The following TNFRSF1B variants were observed in gnomAD, a reference collection of about 807,000 sequenced individuals.
TNFRSF1B encodes TNF receptor superfamily member 1B.
Under a neutral mutation model 44.6 loss-of-function variants are expected in TNFRSF1B, and 19 were observed. The observed-to-expected ratio is 0.43, with a 90% CI of 0.30 to 0.62. TNFRSF1B has a LOEUF of 0.62. Among genes scored for constraint, TNFRSF1B ranks in the 20% least tolerant of loss-of-function variants. The pLI, the probability that TNFRSF1B is intolerant of heterozygous loss-of-function variation, is 0.16. For missense variants in TNFRSF1B, 541 were observed against 619.9 expected, an observed-to-expected ratio of 0.87 and a Z score of 1.35; for synonymous variants, 252 against 261.1, an observed-to-expected ratio of 0.97 and a Z score of 0.34.
chr1:12,201,250 G>T (rs537989667), intron 8 of TNFRSF1B, among the ~76,000 whole-genome samples: 14 of 120,912 alleles, frequency 1.2e-4, no homozygotes, highest in African/African-American at 4.2e-4. Context: ...AACAGGGTGA[G>T]ACCCTGTCTC....
intron 4 of TNFRSF1B, 119 bp from the exon 5 acceptor site, chr1:12,192,307 TAAGGG>T: frequency 1.4e-6 from 1 of 730,416 alleles, no homozygotes. Flanking sequence ...TGTGTGTGTG[TAAGGG>T]GTGGAGGTGC....
rs1278397246 is a variant in TNFRSF1B, at chr1:12,180,466, G to A, written c.79-8330G>A. Among the ~76,000 whole-genome samples the A allele has an allele frequency of 6.6e-6, 1 of 152,116 alleles. No homozygotes were observed. The highest frequency in any genetic ancestry group is 6.5e-5 in the Admixed American group (1 of 15,278). On this transcript the variant is annotated intron_variant, in intron 1 of 9. Transcript: ENST00000376259. This position sits in a 1 kb window ranked among gnomAD's most constrained non-coding sequence, Gnocchi z 4.3. ...GGGCCCCCACCTCGGGTACTTGCAG[G>A]GCCTTGGCCTGGGAACAGGACAAGC...
At chr1:12,192,091 T>A (rs1465790478) in intron 4 of TNFRSF1B, among the ~76,000 whole-genome samples, 168 bp downstream of exon 4, 2 of 152,232 alleles carry the variant, frequency 1.3e-5, no homozygotes, top group African/African-American at 2.4e-5. Context: ...CCGTTCATTC[T>A]TCCTGCCAGC....
rs988155670 is a variant in TNFRSF1B at position 12,177,169 on chromosome 1, A to G, written c.78+10000A>G. Among the ~76,000 whole-genome samples, 65 of 151,892 alleles carry G rather than the reference A, an allele frequency of 4.3e-4. No homozygotes were observed. The highest frequency in any genetic ancestry group is 1.5e-3 in the African/African-American group (62 of 41,426). ...AGGCGTGCCCCACCACGCCTGGCTA[A>G]TTTTTTGTATTTTTTTTAGTAGAGA... On this transcript the variant is annotated intron_variant, in intron 1 of 9. Transcript: ENST00000376259. The surrounding 1 kb of genome is among the most constrained non-coding windows in gnomAD (Gnocchi z 4.3).
chr1:12,191,027 C>T lies in TNFRSF1B; in HGVS notation c.249C>T (p.Tyr83=), dbSNP rs1639106102. 6.2e-7 allele frequency: 1 copy of T among 1,614,102 alleles called. No homozygotes were observed. Among genetic ancestry groups the T allele is most frequent in the Non-Finnish European group, 8.5e-7 (1 of 1,180,036 alleles). ...TVCDSCEDST[Y]TQLWNWVPEC... ...GTGACTCCTGTGAGGACAGCACATA[C>T]ACCCAGCTCTGGAACTGGGTTCCCG... Residue 83 remains tyrosine, a synonymous_variant, in exon 3 of 10, where the codon TAC becomes TAT. Transcript: ENST00000376259.
At chr1:12,191,348 T>A (rs1557633749) in intron 3 of TNFRSF1B, among the ~76,000 whole-genome samples, 1 of 152,224 alleles carries the variant, frequency 6.6e-6, no homozygotes, top group Non-Finnish European at 1.5e-5. Flanking sequence ...GTGGTGCGCA[T>A]GCTCGTGCTG....
chr1:12,188,298 G>A (rs1434443027), intron 1 of TNFRSF1B, among the ~76,000 whole-genome samples: 1 of 152,172 alleles, frequency 6.6e-6, no homozygotes, highest in Non-Finnish European at 1.5e-5. Flanking sequence ...CCCACGTTTA[G>A]AGAGAGCCGA....
At chr1:12,189,930 G>A (rs996121852) in intron 2 of TNFRSF1B, among the ~76,000 whole-genome samples, 1 of 152,208 alleles carries the variant, frequency 6.6e-6, no homozygotes, top group Admixed American at 6.5e-5. Flanking sequence ...CCTTGAAGTC[G>A]GAGCCTGTTT....
In TNFRSF1B at chr1:12,171,555, T is replaced by C. The variant is rs1322390521; in HGVS notation, c.78+4386T>C. 6.6e-6 allele frequency among the ~76,000 whole-genome samples: 1 copy of C among 152,222 alleles called. No individual in the cohort carries two copies. The highest frequency in any genetic ancestry group is 1.5e-5 in the Non-Finnish European group (1 of 68,046). ...GTATAATGCTCTTGACCTATTCTAT[T>C]TATTTCACTTTTATTATGTCTTCCC... On this transcript the variant is annotated intron_variant, in intron 1 of 9. Coordinates refer to ENST00000376259, the MANE Select transcript of TNFRSF1B (RefSeq NM_001066.3). This position sits in a 1 kb window ranked among gnomAD's most constrained non-coding sequence, Gnocchi z 4.5.
In TNFRSF1B at chr1:12,208,771, A is replaced by G. The variant is rs1382790401; in HGVS notation, c.*1751A>G. ...GGAGAGCCCAGCCATTACCATGGAG[A>G]CAAGAAGGGTTTTCCACCCTGGAAT... On this transcript the variant is annotated 3_prime_UTR_variant, in exon 10 of 10. Transcript: ENST00000376259. 12 of 152,218 alleles carry G rather than the reference A, an allele frequency of 7.9e-5. No individual in the cohort carries two copies. Among genetic ancestry groups the G allele is most frequent in the Admixed American group, 7.9e-4 (12 of 15,284 alleles). 9.4% of individuals were successfully genotyped at this position (152,218 alleles called of 1,614,324 possible). A position where few individuals can be genotyped will look rare whatever the true frequency, so the allele number is the denominator to read the frequency against.
At chr1:12,183,694 AT>A (rs1638879035) in intron 1 of TNFRSF1B, among the ~76,000 whole-genome samples, 1 of 122,196 alleles carries the variant, frequency 8.2e-6, no homozygotes, top group African/African-American at 2.8e-5. Flanking sequence ...CTATCTATCT[AT>A]CTATCTATCT....
At chr1:12,196,337 T>A (rs1350314032) in intron 8 of TNFRSF1B, among the ~76,000 whole-genome samples, 1 of 152,076 alleles carries the variant, frequency 6.6e-6, no homozygotes, top group Non-Finnish European at 1.5e-5. Context: ...AAATAAAATA[T>A]CTTACTTAGT....
chr1:12,183,481 T>C (rs777957185), intron 1 of TNFRSF1B, among the ~76,000 whole-genome samples: 1 of 152,066 alleles, frequency 6.6e-6, no homozygotes, highest in African/African-American at 2.4e-5. Context: ...TCTATGTATA[T>C]ATGTATAGCT....
rs1196911465 is a variant in TNFRSF1B at position 12,168,149 on chromosome 1, C to T, written c.78+980C>T. Among the ~76,000 whole-genome samples the T allele has an allele frequency of 1.3e-5, 2 of 152,242 alleles. No homozygotes were observed. The highest frequency in any genetic ancestry group is 2.1e-4 in the South Asian group (1 of 4,834). On this transcript the variant is annotated intron_variant, in intron 1 of 9. Coordinates refer to ENST00000376259, the MANE Select transcript of TNFRSF1B (RefSeq NM_001066.3). This position sits in a 1 kb window ranked among gnomAD's most constrained non-coding sequence, Gnocchi z 4.7. ...CTTCCTCCAAAGGGGGCCTCTCCTGCCTTCGGCCCCTGTGCCCTGAGGCTG... is the reference window on the plus strand; with the variant it reads ...CTTCCTCCAAAGGGGGCCTCTCCTGTCTTCGGCCCCTGTGCCCTGAGGCTG...
At chr1:12,206,054 G>A (rs377086478) in intron 9 of TNFRSF1B, among the ~76,000 whole-genome samples, 1 of 152,184 alleles carries the variant, frequency 6.6e-6, no homozygotes, top group Non-Finnish European at 1.5e-5. Context: ...ACTGTGATGA[G>A]CAGGAGAGGT....
chr1:12,194,655 G>T (rs770101089), intron 8 of TNFRSF1B, 37 bp downstream of exon 8: 1 of 1,613,418 alleles, frequency 6.2e-7, no homozygotes, highest in South Asian at 1.1e-5. Flanking sequence ...CTCTTCCCCT[G>T]GTCTCCTTCC....
rs1459277420 is a variant in TNFRSF1B at position 12,202,475 on chromosome 1, G to A, written c.1105+304G>A. Reference sequence around the variant, plus strand: ...CCCCAGCTGGCCTGGCTGCTCCTCCGGGCTCACCATGCCCTGGCCTCCCTT... The same window carrying A: ...CCCCAGCTGGCCTGGCTGCTCCTCCAGGCTCACCATGCCCTGGCCTCCCTT... On this transcript the variant is annotated intron_variant, in intron 9 of 9. Transcript: ENST00000376259. Among the ~76,000 whole-genome samples, 8 of 152,246 alleles carry A rather than the reference G, an allele frequency of 5.3e-5. No individual in the cohort carries two copies. In the East Asian group the frequency reaches 1.2e-3, roughly 22 times the overall value.
chr1:12,176,216 C>T (rs761647561), intron 1 of TNFRSF1B, among the ~76,000 whole-genome samples: 1 of 152,092 alleles, frequency 6.6e-6, no homozygotes, highest in Non-Finnish European at 1.5e-5. Context: ...GAGACCCTGT[C>T]TCAAAAAAGC....
chr1:12,207,187 A>C lies in TNFRSF1B; in HGVS notation c.*167A>C. The stretch of plus-strand genomic sequence containing the variant: ...CAGCCGCAGCCTCCCTCTGACCTGC[A>C]GGCCAAGAGCAGAGGCAGCGAGTTG... On this transcript the variant is annotated 3_prime_UTR_variant, in exon 10 of 10. Coordinates refer to ENST00000376259, the MANE Select transcript of TNFRSF1B (RefSeq NM_001066.3). The C allele has an allele frequency of 1.6e-6, 1 of 644,672 alleles. No homozygotes were observed. The highest frequency in any genetic ancestry group is 2.4e-6 in the Non-Finnish European group (1 of 413,648). 39.9% of individuals were successfully genotyped at this position (644,672 alleles called of 1,614,324 possible).
Sources: allele counts gnomAD v4.1 joint callset (sites outside exome capture counted in the v4.1 genomes callset), GRCh38; gene constraint gnomAD v4.1.1; non-coding constraint Gnocchi (gnomAD v3.1); transcripts MANE v1.5; gene names NCBI Gene and HGNC (gene_info 2026-07-23, HGNC 2026-07-21).